MACROD1: variants seen among roughly 807,000 people sequenced by gnomAD.
The protein encoded by MACROD1 is mono-ADP ribosylhydrolase 1.
Under a neutral mutation model 41.4 loss-of-function variants are expected in MACROD1, and 31 were observed. That is an observed-to-expected ratio of 0.75 (90% CI 0.56 to 1.01). MACROD1 has a LOEUF of 1.01. Among genes scored for constraint, MACROD1 ranks in the 50% least tolerant of loss-of-function variants. MACROD1 has a pLI of 0.00. For synonymous variants in MACROD1, 252 were observed against 203.4 expected (o/e 1.24, Z -2.03); for missense variants, 473 against 460.0 (o/e 1.03, Z -0.26).
intron 3 of MACROD1, among the ~76,000 whole-genome samples, chr11:64,055,713 GGAT>G (rs1263534525): frequency 6.6e-6 from 1 of 152,212 alleles, no homozygotes; most frequent in Non-Finnish European, 1.5e-5. Flanking sequence ...ATGGATGGAT[GGAT>G]GATGGGCCAT....
At chr11:64,045,771 G>A (rs1034253915) in intron 3 of MACROD1, among the ~76,000 whole-genome samples, 4 of 152,220 alleles carry the variant, frequency 2.6e-5, no homozygotes, top group Non-Finnish European at 5.9e-5. Flanking sequence ...TGGGGGATGA[G>A]AAGGAATTCA....
chr11:64,076,473 AATGG>A (rs905723942), intron 3 of MACROD1, among the ~76,000 whole-genome samples: 2 of 151,744 alleles, frequency 1.3e-5, no homozygotes, highest in Non-Finnish European at 2.9e-5. Context: ...CGGACGGACG[AATGG>A]ATGGATGGAC....
chr11:64,116,353 T>C (rs199858445), intron 3 of MACROD1: 5 of 1,612,902 alleles, frequency 3.1e-6, no homozygotes, highest in African/African-American at 1.3e-5. Flanking sequence ...ACGGCCACCA[T>C]GGACCTGCGG....
chr11:64,058,612 G>A (rs894493092), intron 3 of MACROD1, among the ~76,000 whole-genome samples: 10 of 152,250 alleles, frequency 6.6e-5, no homozygotes, highest in Non-Finnish European at 4.4e-5. Context: ...CAGCGGGCAC[G>A]GCCCTGTAAT....
At chr11:64,046,216 G>T (rs1943581486) in intron 3 of MACROD1, among the ~76,000 whole-genome samples, 1 of 152,088 alleles carries the variant, frequency 6.6e-6, no homozygotes, top group Non-Finnish European at 1.5e-5. Flanking sequence ...ACTCCCACTG[G>T]GTCCCCAGTC....
chr11:64,151,410 C>A (rs922430236), intron 2 of MACROD1, 55 bp from the exon 3 acceptor site: 75 of 1,379,266 alleles, frequency 5.4e-5, no homozygotes, highest in Non-Finnish European at 7.5e-5. Flanking sequence ...TGCAGAGGGA[C>A]CCAGCCAGGG....
At chr11:64,068,008 GA>G (rs1944037593) in intron 3 of MACROD1, among the ~76,000 whole-genome samples, 2 of 152,128 alleles carry the variant, frequency 1.3e-5, no homozygotes, top group South Asian at 4.1e-4. Context: ...GCTCAGAACG[GA>G]AAACCGCCGG....
At chr11:64,029,059 G>A (rs1000695495) in intron 3 of MACROD1, among the ~76,000 whole-genome samples, 13 of 152,172 alleles carry the variant, frequency 8.5e-5, no homozygotes, top group Admixed American at 3.9e-4. Flanking sequence ...CCACCTCCCC[G>A]CCCCAGGGCA....
At chr11:64,080,545 A>G (rs983477402) in intron 3 of MACROD1, among the ~76,000 whole-genome samples, 8 of 152,198 alleles carry the variant, frequency 5.3e-5, no homozygotes, top group African/African-American at 1.7e-4. Flanking sequence ...CCTAAATCAA[A>G]GAGAGGTGGC....
chr11:63,999,834 G>A (rs1942788783), intron 5 of MACROD1, 71 bp from the exon 6 acceptor site: 4 of 1,517,692 alleles, frequency 2.6e-6, no homozygotes, highest in South Asian at 1.2e-5. Context: ...CCCCCTGCCG[G>A]CCTGGGCAGA....
intron 3 of MACROD1, among the ~76,000 whole-genome samples, chr11:64,061,793 G>C (rs1253002134): frequency 6.6e-6 from 1 of 150,636 alleles, no homozygotes; most frequent in Non-Finnish European, 1.5e-5. Flanking sequence ...TCAACTTCCT[G>C]GGCTCAAGCC....
chr11:64,111,546 T>A (rs1944862859), intron 3 of MACROD1, among the ~76,000 whole-genome samples: 1 of 152,186 alleles, frequency 6.6e-6, no homozygotes, highest in Non-Finnish European at 1.5e-5. Flanking sequence ...CTGGGCTGGC[T>A]GTGACCTTGG....
In MACROD1 at chr11:64,071,503, G is replaced by A. The variant is rs560428776; in HGVS notation, c.518-56222C>T. On this transcript the variant is annotated intron_variant, in intron 3 of 10. Coordinates refer to ENST00000255681, the MANE Select transcript of MACROD1 (RefSeq NM_014067.4). The stretch of plus-strand genomic sequence containing the variant: ...AGAGCATTGTCCCCTTGGCCAGCTC[G>A]CCCAGGAGTCACCCTGGGGCCCATC... Among the ~76,000 whole-genome samples the A allele has an allele frequency of 1.2e-4, 19 of 152,218 alleles. No homozygotes were observed. In the South Asian group the frequency reaches 2.5e-3, roughly 20 times the overall value.
intron 4 of MACROD1, among the ~76,000 whole-genome samples, chr11:64,004,289 A>T (rs1942873624): frequency 6.6e-6 from 1 of 152,222 alleles, no homozygotes; most frequent in South Asian, 2.1e-4. Context: ...AGGAGTGGGC[A>T]GTCCTCAGAG....
chr11:64,153,367 A>G (rs1303926107), intron 1 of MACROD1, among the ~76,000 whole-genome samples: 1 of 152,218 alleles, frequency 6.6e-6, no homozygotes, highest in Non-Finnish European at 1.5e-5. Flanking sequence ...GAGAAACTCA[A>G]AAAGCATCAA....
intron 3 of MACROD1, among the ~76,000 whole-genome samples, chr11:64,080,966 T>C (rs150101266): frequency 2.0e-5 from 3 of 152,278 alleles, no homozygotes; most frequent in African/African-American, 7.2e-5. Flanking sequence ...TTATGTGACA[T>C]TGTTGAAGTC....
At position 64,117,036 on chromosome 11, in the gene MACROD1, C is replaced by T. The variant is rs375466804; in HGVS notation, c.517+34203G>A. ...GAACCTCACAGAGCTCTCGCTGGTG[C>T]GCAATTCGCTGGCCGCGCCACCCCT... On this transcript the variant is annotated intron_variant, in intron 3 of 10. Transcript: ENST00000255681. The T allele has an allele frequency of 4.3e-6, 7 of 1,609,762 alleles. No homozygotes were observed. Among genetic ancestry groups the T allele is most frequent in the African/African-American group, 1.3e-5 (1 of 74,778 alleles).
chr11:64,144,149 G>T (rs1443356482), intron 3 of MACROD1, among the ~76,000 whole-genome samples: 2 of 149,250 alleles, frequency 1.3e-5, no homozygotes, highest in Non-Finnish European at 1.5e-5. Flanking sequence ...ACAGTGTCCC[G>T]TCCACCTCGC....
At chr11:64,076,801 C>T (rs531343583) in intron 3 of MACROD1, among the ~76,000 whole-genome samples, 9 of 152,176 alleles carry the variant, frequency 5.9e-5, no homozygotes, top group Admixed American at 1.3e-4. Context: ...TCTGGGCTCC[C>T]GTCCCTCCTA....
Sources: gnomAD v4.1 joint callset for allele counts (sites outside exome capture counted in the v4.1 genomes callset) on GRCh38, gnomAD v4.1.1 for gene constraint, MANE v1.5 for transcripts, NCBI Gene and HGNC (gene_info 2026-07-23, HGNC 2026-07-21) for gene names.